ARMH4: variants seen among roughly 807,000 people sequenced by gnomAD.
ARMH4 encodes armadillo-like helical domain-containing protein 4.
A neutral mutation model predicts 61.9 loss-of-function variants in ARMH4; 49 were observed. The ratio of observed to expected loss-of-function variants is 0.79; its 90% CI spans 0.63 to 1.00. ARMH4 has a LOEUF of 1.00. Among genes scored for constraint, ARMH4 ranks in the 50% least tolerant of loss-of-function variants. The pLI is 0.00. For synonymous variants in ARMH4, 368 were observed against 341.5 expected, an observed-to-expected ratio of 1.08 and a Z score of -0.85; for missense variants, 934 against 930.0, an observed-to-expected ratio of 1.00 and a Z score of -0.06.
chr14:58,084,719 C>A (rs867082182), intron 5 of ARMH4, among the ~76,000 whole-genome samples: 1 of 152,170 alleles, frequency 6.6e-6, no homozygotes, highest in African/African-American at 2.4e-5. Flanking sequence ...AAGTTGTGAG[C>A]ACTTCATTTT....
intron 5 of ARMH4, among the ~76,000 whole-genome samples, chr14:58,086,673 C>A (rs111407355): frequency 0.02 from 3,108 of 152,214 alleles, 46 homozygotes; most frequent in Non-Finnish European, 0.032. Context: ...GAAGAAAAAT[C>A]CCTTTTAAAA....
intron 1 of ARMH4, among the ~76,000 whole-genome samples, chr14:58,148,878 C>T (rs930442424): frequency 1.3e-5 from 2 of 150,946 alleles, no homozygotes; most frequent in African/African-American, 4.9e-5. Flanking sequence ...CACACACACA[C>T]ACGCAACAGA....
At chr14:58,132,969 G>T in intron 3 of ARMH4, 121 bp downstream of exon 3, 1 of 968,232 alleles carries the variant, frequency 1.0e-6, no homozygotes, top group Non-Finnish European at 1.6e-6. Context: ...GTGTGTGTGT[G>T]TGTACGTGCA....
At chr14:58,132,583 T>C (rs1042365677) in intron 3 of ARMH4, among the ~76,000 whole-genome samples, 4 of 124,680 alleles carry the variant, frequency 3.2e-5, no homozygotes. Context: ...CCTTGTCCCT[T>C]TTTTTTTTTT....
At chr14:58,009,528 G>A (rs1381382075) in intron 6 of ARMH4, among the ~76,000 whole-genome samples, 2 of 151,884 alleles carry the variant, frequency 1.3e-5, no homozygotes, top group African/African-American at 4.8e-5. Context: ...GAGACAATAG[G>A]GGCCGGGCAC....
chr14:58,058,247 G>A (rs989377039), intron 5 of ARMH4, among the ~76,000 whole-genome samples: 4 of 152,180 alleles, frequency 2.6e-5, no homozygotes, highest in Non-Finnish European at 2.9e-5. Context: ...AATACCTAAC[G>A]TAACATAAAT....
chr14:58,009,833 G>A (rs199675252), intron 6 of ARMH4, among the ~76,000 whole-genome samples: 15,437 of 132,122 alleles, frequency 0.12, 1,463 homozygotes, highest in East Asian at 0.36. Flanking sequence ...AAAAAAGAGA[G>A]AGAGAGAGAG....
intron 5 of ARMH4, among the ~76,000 whole-genome samples, chr14:58,080,035 G>A (rs191131156): frequency 1.3e-5 from 2 of 152,158 alleles, no homozygotes; most frequent in Admixed American, 1.3e-4. Context: ...TCTGCAGTAG[G>A]CAACAGCCAG....
intron 5 of ARMH4, among the ~76,000 whole-genome samples, chr14:58,020,746 CAACT>C (rs1262351834): frequency 3.3e-5 from 5 of 152,180 alleles, no homozygotes; most frequent in African/African-American, 4.8e-5. Flanking sequence ...GGGCAACAAC[CAACT>C]GAGTGGCAGA....
At chr14:58,140,449 C>T (rs1047736648) in intron 1 of ARMH4, among the ~76,000 whole-genome samples, 2 of 151,128 alleles carry the variant, frequency 1.3e-5, no homozygotes, top group Non-Finnish European at 2.9e-5. Context: ...GGCATGGTGG[C>T]ACACATCTGT....
intron 4 of ARMH4, among the ~76,000 whole-genome samples, chr14:58,111,801 T>G (rs568358521): frequency 6.6e-6 from 1 of 152,034 alleles, no homozygotes; most frequent in Non-Finnish European, 1.5e-5. Context: ...CAAGCAATCC[T>G]CCTACCTCAG....
intron 6 of ARMH4, among the ~76,000 whole-genome samples, chr14:58,011,427 T>G (rs1882401969): frequency 6.6e-6 from 1 of 152,126 alleles, no homozygotes. Context: ...AAGATTTCCA[T>G]TTAGCTGAAA....
chr14:58,150,032 T>G (rs1231216624), intron 1 of ARMH4, among the ~76,000 whole-genome samples: 2 of 152,218 alleles, frequency 1.3e-5, no homozygotes, highest in African/African-American at 4.8e-5. Context: ...GAGAGGGTTC[T>G]GCTGTCTGCA....
At chr14:58,077,293 GA>G (rs1249622499) in intron 5 of ARMH4, among the ~76,000 whole-genome samples, 3 of 152,302 alleles carry the variant, frequency 2.0e-5, no homozygotes, top group Middle Eastern at 3.4e-3. Context: ...GTATCAGGCA[GA>G]GTGAAAAAAT....
At chr14:58,042,203 A>C (rs550648882) in intron 5 of ARMH4, among the ~76,000 whole-genome samples, 1 of 152,344 alleles carries the variant, frequency 6.6e-6, no homozygotes, top group African/African-American at 2.4e-5. Context: ...TTGGAAATAA[A>C]ACACTCCTCA....
At chr14:58,107,707 T>C (rs1240315634) in intron 4 of ARMH4, among the ~76,000 whole-genome samples, 1 of 140,492 alleles carries the variant, frequency 7.1e-6, no homozygotes, top group East Asian at 2.1e-4. Context: ...GAGGTTGCAG[T>C]GAGCTGAGAT....
chr14:58,120,529 TA>T (rs1483627748), intron 4 of ARMH4, among the ~76,000 whole-genome samples: 1 of 152,124 alleles, frequency 6.6e-6, no homozygotes, highest in Non-Finnish European at 1.5e-5. Context: ...TCAAACTCTG[TA>T]AAATATTTGA....
intron 5 of ARMH4, among the ~76,000 whole-genome samples, chr14:58,028,734 GACA>G (rs1290410265): frequency 6.6e-6 from 1 of 152,124 alleles, no homozygotes; most frequent in Non-Finnish European, 1.5e-5. Flanking sequence ...TGCCTCCACA[GACA>G]ACAACAGATT....
chr14:58,026,350 C>T (rs1344346329), intron 5 of ARMH4, among the ~76,000 whole-genome samples: 4 of 151,776 alleles, frequency 2.6e-5, no homozygotes, highest in Non-Finnish European at 5.9e-5. Context: ...AAAAAAAAAT[C>T]ACTTCTCTTT....
Sources: gnomAD v4.1 joint callset for allele counts (sites outside exome capture counted in the v4.1 genomes callset) on GRCh38, gnomAD v4.1.1 for gene constraint, MANE v1.5 for transcripts, NCBI Gene and HGNC (gene_info 2026-07-23, HGNC 2026-07-21) for gene names.